The following MAGI1 variants were observed in gnomAD, a reference collection of about 807,000 sequenced individuals.
MAGI1 encodes membrane-associated guanylate kinase, WW and PDZ domain-containing protein 1.
In MAGI1, 58 loss-of-function variants were observed where a neutral mutation model predicts 139.9. The observed-to-expected ratio is 0.41, with a 90% CI of 0.34 to 0.52. The LOEUF (loss-of-function observed/expected upper bound fraction) is 0.52. MAGI1 is among the 20% of genes least tolerant of loss of function. The pLI is 0.12. For synonymous variants in MAGI1, 812 were observed against 737.9 expected, an observed-to-expected ratio of 1.10 and a Z score of -1.63; for missense variants, 1,874 against 1,901.6, an observed-to-expected ratio of 0.99 and a Z score of 0.27.
At position 65,439,931 on chromosome 3, in the gene MAGI1, C is replaced by T. The variant is rs536744103; in HGVS notation, c.1218G>A (p.Gln406=). The part of the protein sequence containing the change: ...RKKQLEQQQQ[Q]QQQQQQQQQQ... ...GCTGCTGCTGTTGCTGCTGCTGTTG[C>T]TGCTGCTGCTGCTGCTCAAGCTGCT... Residue 406 remains glutamine (Q), a synonymous_variant, in exon 9 of 23, where the codon CAG becomes CAA. Transcript: ENST00000402939. The T allele has an allele frequency of 2.9e-5, 44 of 1,535,750 alleles. No individual in the cohort carries two copies. The highest frequency in any genetic ancestry group is 3.7e-5 in the Non-Finnish European group (41 of 1,117,318).
At chr3:65,736,689 G>A (rs1418895926) in intron 1 of MAGI1, among the ~76,000 whole-genome samples, 4 of 152,120 alleles carry the variant, frequency 2.6e-5, no homozygotes, top group African/African-American at 7.2e-5. Flanking sequence ...GAACAAGTTC[G>A]CCCTTCCTCC....
At chr3:65,922,661 T>C (rs2108744272) in intron 1 of MAGI1, among the ~76,000 whole-genome samples, 1 of 152,288 alleles carries the variant, frequency 6.6e-6, no homozygotes, top group Admixed American at 6.5e-5. Context: ...TCACCCAGTT[T>C]GTGATATTTT....
chr3:65,993,951 A>G (rs1418038968), intron 1 of MAGI1, among the ~76,000 whole-genome samples: 1 of 152,088 alleles, frequency 6.6e-6, no homozygotes. Context: ...TAAATAAGAG[A>G]GGACAACCCA....
intron 10 of MAGI1, 90 bp downstream of exon 10, chr3:65,437,065 G>C (rs1947907254): frequency 1.4e-6 from 1 of 721,150 alleles, no homozygotes; most frequent in East Asian, 2.7e-5. Context: ...AATGACTTGG[G>C]AGTTACGAGA....
At chr3:65,494,725 T>C (rs1383724838) in intron 2 of MAGI1, among the ~76,000 whole-genome samples, 1 of 152,250 alleles carries the variant, frequency 6.6e-6, no homozygotes. Context: ...TATATGTGCC[T>C]AGTGGCGCTG....
intron 1 of MAGI1, among the ~76,000 whole-genome samples, chr3:65,916,535 G>T (rs142404777): frequency 6.6e-6 from 1 of 152,230 alleles, no homozygotes; most frequent in Admixed American, 6.5e-5. Context: ...AAAACCATCA[G>T]ATATTGTGAG....
chr3:65,401,999 G>T, intron 12 of MAGI1: 1 of 625,482 alleles, frequency 1.6e-6, no homozygotes, highest in Non-Finnish European at 2.0e-6. Context: ...TCTTTATTTG[G>T]ATGAGCTCAA....
At chr3:65,839,979 T>C (rs953395444) in intron 1 of MAGI1, among the ~76,000 whole-genome samples, 1 of 152,216 alleles carries the variant, frequency 6.6e-6, no homozygotes, top group African/African-American at 2.4e-5. Context: ...AAATCTGGTA[T>C]ATATTTTGTT....
chr3:65,458,392 G>A (rs1009333167), intron 5 of MAGI1, among the ~76,000 whole-genome samples: 4 of 150,226 alleles, frequency 2.7e-5, no homozygotes, highest in Non-Finnish European at 4.4e-5. Context: ...CCCCCAAACC[G>A]TTTCCCATAG....
chr3:65,368,261 T>C (rs1941628933), intron 18 of MAGI1, among the ~76,000 whole-genome samples: 1 of 152,200 alleles, frequency 6.6e-6, no homozygotes, highest in Non-Finnish European at 1.5e-5. Context: ...CTTTTAAAAC[T>C]GCAAGGCACA....
chr3:65,786,608 A>T (rs1369200759), intron 1 of MAGI1, among the ~76,000 whole-genome samples: 2 of 128,370 alleles, frequency 1.6e-5, no homozygotes, highest in South Asian at 2.5e-4. Flanking sequence ...TGGCCCAAGA[A>T]TTTTTTTTTT....
At chr3:65,473,891 A>G (rs1166139135) in intron 4 of MAGI1, among the ~76,000 whole-genome samples, 2 of 152,082 alleles carry the variant, frequency 1.3e-5, no homozygotes, top group Admixed American at 6.6e-5. Flanking sequence ...TCCAAAAATG[A>G]GCTGCTGGCA....
intron 16 of MAGI1, 121 bp from the exon 17 acceptor site, chr3:65,379,675 C>T: frequency 6.8e-7 from 1 of 1,463,052 alleles, no homozygotes; most frequent in Non-Finnish European, 9.2e-7. Flanking sequence ...GAGGAGACAG[C>T]ACCTGGTTTC....
At chr3:65,641,600 A>G (rs542980413) in intron 1 of MAGI1, among the ~76,000 whole-genome samples, 20 of 152,328 alleles carry the variant, frequency 1.3e-4, no homozygotes, top group African/African-American at 4.8e-4. Context: ...CCTTAGCTTC[A>G]AAGAAGAAAT....
chr3:65,718,251 G>C (rs1006991670), intron 1 of MAGI1, among the ~76,000 whole-genome samples: 1 of 152,024 alleles, frequency 6.6e-6, no homozygotes, highest in Non-Finnish European at 1.5e-5. Flanking sequence ...GCAGAAGCAA[G>C]TTACCCAGTA....
chr3:65,446,599 C>G (rs933329507), intron 7 of MAGI1, among the ~76,000 whole-genome samples: 1 of 152,216 alleles, frequency 6.6e-6, no homozygotes, highest in African/African-American at 2.4e-5. Context: ...GCAGAGTGAT[C>G]TGTCACACCT....
At chr3:65,925,850 T>C (rs2062474779) in intron 1 of MAGI1, among the ~76,000 whole-genome samples, 2 of 152,136 alleles carry the variant, frequency 1.3e-5, no homozygotes, top group South Asian at 4.1e-4. Context: ...CTGCCAATTT[T>C]TGTATTTTTT....
At chr3:65,497,402 G>C (rs1485751870) in intron 2 of MAGI1, among the ~76,000 whole-genome samples, 1 of 152,158 alleles carries the variant, frequency 6.6e-6, no homozygotes, top group Non-Finnish European at 1.5e-5. Flanking sequence ...TGAAAAAGCT[G>C]TTCAGCCAGC....
At chr3:65,397,412 G>A (rs191368559) in intron 13 of MAGI1, among the ~76,000 whole-genome samples, 17 of 152,234 alleles carry the variant, frequency 1.1e-4, no homozygotes, top group Admixed American at 3.9e-4. Context: ...CTACCCTGCC[G>A]ACAGCTTGCT....
Sources: allele counts gnomAD v4.1 joint callset (sites outside exome capture counted in the v4.1 genomes callset), GRCh38; gene constraint gnomAD v4.1.1; transcripts MANE v1.5; gene names NCBI Gene and HGNC (gene_info 2026-07-23, HGNC 2026-07-21).